ZNF705G: variants seen among roughly 807,000 people sequenced by gnomAD.
The protein encoded by ZNF705G is zinc finger protein 705G, also known as putative zinc finger protein 705G.
In ZNF705G, 23 loss-of-function variants were observed where a neutral mutation model predicts 19.6. The observed-to-expected ratio is 1.17, with a 90% CI of 0.84 to 1.66. The LOEUF (loss-of-function observed/expected upper bound fraction) is 1.66. Ranked by LOEUF, ZNF705G falls within the 40% of genes most tolerant of loss-of-function variation. ZNF705G has a pLI of 0.00. For synonymous variants in ZNF705G, 146 were observed against 117.7 expected, an observed-to-expected ratio of 1.24 and a Z score of -1.56; for missense variants, 457 against 354.4, an observed-to-expected ratio of 1.29 and a Z score of -2.32.
intron 1 of ZNF705G, among the ~76,000 whole-genome samples, chr8:7,384,435 G>T (rs1281051846): frequency 6.9e-6 from 1 of 145,512 alleles, no homozygotes; most frequent in Non-Finnish European, 1.5e-5. Flanking sequence ...CTCAAAAAAA[G>T]ACATTTATGC....
At position 7,381,864 on chromosome 8, in the gene ZNF705G, G is replaced by A. The variant is rs549182307; in HGVS notation, c.-221-263C>T. Among the ~76,000 whole-genome samples the A allele has an allele frequency of 2.8e-4, 42 of 150,848 alleles. No homozygotes were observed. In the South Asian group the frequency reaches 2.9e-3, roughly 10 times the overall value. On this transcript the variant is annotated intron_variant, in intron 1 of 6. Transcript: ENST00000400156. The stretch of plus-strand genomic sequence containing the variant: ...CCATATTCCCATGTAACAAATCTGC[G>A]CATGTACCTACTGTATCTAAAATAA...
At position 7,361,197 on chromosome 8, in the gene ZNF705G, G is replaced by C. The variant is rs768906691; in HGVS notation, c.52C>G (p.Gln18Glu). ...TFEDVAIDFT[Q>E]EEWAMMDTSK... Reference sequence around the variant, plus strand: ...GTGTCCATCATGGCCCACTCTTCCTGGGTGAAGTCAATAGCTACATCTTCA... The same window carrying C: ...GTGTCCATCATGGCCCACTCTTCCTCGGTGAAGTCAATAGCTACATCTTCA... Residue 18 changes from glutamine (Q) to glutamate (E), a missense_variant, in exon 4 of 7, where the codon CAG becomes GAG. Coordinates refer to ENST00000400156, the MANE Select transcript of ZNF705G (RefSeq NM_001164457.3). The C allele has an allele frequency of 2.5e-6, 4 of 1,592,746 alleles. No homozygotes were observed. The highest frequency in any genetic ancestry group is 3.4e-6 in the Non-Finnish European group (4 of 1,179,428).
intron 2 of ZNF705G, among the ~76,000 whole-genome samples, chr8:7,370,061 G>A (rs1247708239): frequency 5.4e-5 from 8 of 147,866 alleles, no homozygotes; most frequent in East Asian, 2.0e-4. Flanking sequence ...TTTAAAATGG[G>A]CAAAGATCTG....
At chr8:7,366,779 T>C (rs1418327907) in intron 2 of ZNF705G, among the ~76,000 whole-genome samples, 1 of 149,630 alleles carries the variant, frequency 6.7e-6, no homozygotes, top group African/African-American at 2.6e-5. Context: ...ATAATTTAAC[T>C]ATAAACCACA....
chr8:7,370,018 TCTC>T (rs1282679316), intron 2 of ZNF705G, among the ~76,000 whole-genome samples: 2 of 144,590 alleles, frequency 1.4e-5, no homozygotes, highest in Admixed American at 6.7e-5. Context: ...TGCACATACA[TCTC>T]CTGAATCTAA....
chr8:7,368,925 C>G (rs1200962666), intron 2 of ZNF705G, among the ~76,000 whole-genome samples: 1 of 149,602 alleles, frequency 6.7e-6, no homozygotes, highest in Non-Finnish European at 1.5e-5. Flanking sequence ...TACAGGAGTA[C>G]ACTGCTGATA....
chr8:7,369,789 G>A (rs948580831), intron 2 of ZNF705G, among the ~76,000 whole-genome samples: 1 of 149,232 alleles, frequency 6.7e-6, no homozygotes, highest in Non-Finnish European at 1.5e-5. Flanking sequence ...TGCAGGAAGA[G>A]AAAACCAAAT....
intron 3 of ZNF705G, among the ~76,000 whole-genome samples, chr8:7,362,542 A>C (rs1204594782): frequency 3.3e-5 from 5 of 149,810 alleles, no homozygotes; most frequent in Non-Finnish European, 7.4e-5. Context: ...ATTTCAGGCA[A>C]CAGTATAGTT....
At chr8:7,364,983 T>A (rs1806791481) in intron 2 of ZNF705G, among the ~76,000 whole-genome samples, 1 of 149,632 alleles carries the variant, frequency 6.7e-6, no homozygotes, top group Non-Finnish European at 1.5e-5. Context: ...CAAAATAAGA[T>A]TTGGGCTTTA....
At chr8:7,358,896 G>A (rs1214640523) in intron 6 of ZNF705G, among the ~76,000 whole-genome samples, 4 of 149,400 alleles carry the variant, frequency 2.7e-5, no homozygotes, top group Non-Finnish European at 5.9e-5. Flanking sequence ...AATGCAAACT[G>A]ATAACTTTTC....
At position 7,357,637 on chromosome 8, in the gene ZNF705G, C is replaced by T. The variant is rs1806334358; in HGVS notation, c.*339G>A. Reference sequence around the variant, plus strand: ...TCAGATCACTAACAAGTCTTTGGTACATACATGTCATACAATTTCTCTTCC... The same window carrying T: ...TCAGATCACTAACAAGTCTTTGGTATATACATGTCATACAATTTCTCTTCC... On this transcript the variant is annotated 3_prime_UTR_variant, in exon 7 of 7. Coordinates refer to ENST00000400156, the MANE Select transcript of ZNF705G (RefSeq NM_001164457.3). The T allele has an allele frequency of 4.6e-6, 2 of 438,720 alleles. No homozygotes were observed. The highest frequency in any genetic ancestry group is 8.0e-6 in the Non-Finnish European group (2 of 250,016). The allele number at this position is 438,720 out of a possible 1,614,324, so 27.2% of individuals were successfully genotyped here. A position where few individuals can be genotyped will look rare whatever the true frequency, so the allele number is the denominator to read the frequency against.
At chr8:7,385,266 A>T (rs1465197678) in intron 1 of ZNF705G, among the ~76,000 whole-genome samples, 4 of 149,226 alleles carry the variant, frequency 2.7e-5, no homozygotes, top group African/African-American at 1.0e-4. Context: ...TGCATTGGGG[A>T]TTAGATTTCA....
At position 7,359,599 on chromosome 8, in the gene ZNF705G, T is replaced by C. The variant is rs1481021931; in HGVS notation, c.318+20A>G. The C allele has an allele frequency of 6.2e-7, 1 of 1,605,726 alleles. No homozygotes were observed. The highest frequency in any genetic ancestry group is 2.2e-5 in the East Asian group (1 of 44,812). On this transcript the variant is annotated intron_variant, in intron 6 of 6. Coordinates refer to ENST00000400156, the MANE Select transcript of ZNF705G (RefSeq NM_001164457.3). ...ATGTCTTTAACTTAGATGACTGGTG[T>C]ACACAGCTATAAAACTTACCATTGT...
intron 1 of ZNF705G, among the ~76,000 whole-genome samples, chr8:7,382,967 A>T (rs1303522739): frequency 6.8e-6 from 1 of 147,726 alleles, no homozygotes; most frequent in Non-Finnish European, 1.5e-5. Context: ...AAAATCCATC[A>T]TATCACTCTG....
Position 7,356,973 on chromosome 8 carries a change from G to T in ZNF705G, c.*1003C>A, listed in dbSNP as rs1331418549. Reference sequence around the variant, plus strand: ...TTTTCTCAAATTTCTGAATTATTTTGCTAAAGTATGTGTTAAGAGTTTTTT... The same window carrying T: ...TTTTCTCAAATTTCTGAATTATTTTTCTAAAGTATGTGTTAAGAGTTTTTT... On this transcript the variant is annotated 3_prime_UTR_variant, in exon 7 of 7. Coordinates refer to ENST00000400156, the MANE Select transcript of ZNF705G (RefSeq NM_001164457.3). The T allele has an allele frequency of 2.0e-5, 3 of 149,690 alleles. No homozygotes were observed. Among genetic ancestry groups the T allele is most frequent in the Non-Finnish European group, 4.4e-5 (3 of 68,014 alleles). The allele number at this position is 149,690 out of a possible 1,614,324, so 9.3% of individuals were successfully genotyped here. A position where few individuals can be genotyped will look rare whatever the true frequency, so the allele number is the denominator to read the frequency against.
Position 7,370,573 on chromosome 8 carries a change from A to C in ZNF705G, c.-71-7556T>G, listed in dbSNP as rs1366267290. On this transcript the variant is annotated intron_variant, in intron 2 of 6. Transcript: ENST00000400156. ...ATTTTTTAAATAAAACTACCTGCTG[A>C]TGAGGCTGCTGAGATATAAGAACAC... 2.1e-5 allele frequency among the ~76,000 whole-genome samples: 3 copies of C among 145,752 alleles called. No individual in the cohort carries two copies. The East Asian group carries it at 5.9e-4, about 29-fold the overall frequency.
chr8:7,379,333 C>T (rs1288553084), intron 2 of ZNF705G, among the ~76,000 whole-genome samples: 1 of 147,346 alleles, frequency 6.8e-6, no homozygotes, highest in Non-Finnish European at 1.5e-5. Flanking sequence ...CCAACTGTCC[C>T]TTTAATATAT....
intron 4 of ZNF705G, among the ~76,000 whole-genome samples, chr8:7,360,879 T>C (rs1220551787): frequency 2.0e-5 from 3 of 149,346 alleles, no homozygotes; most frequent in Admixed American, 2.0e-4. Context: ...AAAGAAACCA[T>C]GAAATCCTTG....
chr8:7,363,882 G>T (rs1220494116), intron 2 of ZNF705G, among the ~76,000 whole-genome samples: 2 of 149,380 alleles, frequency 1.3e-5, no homozygotes, highest in Non-Finnish European at 2.9e-5. Context: ...CACTTAGAGG[G>T]TCAACACTCC....
Sources: allele counts gnomAD v4.1 joint callset (sites outside exome capture counted in the v4.1 genomes callset), GRCh38; gene constraint gnomAD v4.1.1; transcripts MANE v1.5; gene names NCBI Gene and HGNC (gene_info 2026-07-23, HGNC 2026-07-21).